RABGAP1L: variants seen among roughly 807,000 people sequenced by gnomAD.
RABGAP1L encodes RAB GTPase activating protein 1 like, also known as rab GTPase-activating protein 1-like.
A neutral mutation model predicts 137.7 loss-of-function variants in RABGAP1L; 63 were observed. The ratio of observed to expected loss-of-function variants is 0.46; its 90% confidence interval spans 0.37 to 0.56. The LOEUF is 0.56. RABGAP1L is among the 20% of genes least tolerant of loss of function. The probability of loss-of-function intolerance (pLI) is 0.00; values close to 1 mark genes in which losing one functional copy is unlikely to be tolerated. For synonymous variants in RABGAP1L, 431 were observed against 433.7 expected, an observed-to-expected ratio of 0.99 and a Z score of 0.08; for missense variants, 1,095 against 1,244.0, an observed-to-expected ratio of 0.88 and a Z score of 1.80.
In RABGAP1L at chr1:174,274,782, C is replaced by T. The variant is rs1674841230; in HGVS notation, c.1054-1051C>T. On this transcript the variant is annotated intron_variant, in intron 8 of 25. Coordinates refer to ENST00000681986, the MANE Select transcript of RABGAP1L (RefSeq NM_001366446.1). ...ACACAATCTGATTAGTGAAGTATTA[C>T]TAATACACTAGAAAAATATACATAG... Among the ~76,000 whole-genome samples, 4 of 152,038 alleles carry T rather than the reference C, an allele frequency of 2.6e-5. No individual in the cohort carries two copies. In the South Asian group the frequency reaches 8.3e-4, roughly 32 times the overall value.
rs569243495 is a variant in RABGAP1L at position 174,586,521 on chromosome 1, C to T, written c.1711-50854C>T. Among the ~76,000 whole-genome samples, 11 of 151,954 alleles carry T rather than the reference C, an allele frequency of 7.2e-5. No homozygotes were observed. The East Asian group carries it at 2.1e-3, about 29-fold the overall frequency. ...TACCTATGTAACAAACCTGCACATCCTGCACATGTACCCCAGAACTTAAGA... is the reference window on the plus strand; with the variant it reads ...TACCTATGTAACAAACCTGCACATCTTGCACATGTACCCCAGAACTTAAGA... On this transcript the variant is annotated intron_variant, in intron 13 of 25. Transcript: ENST00000681986.
chr1:174,640,332 G>A (rs538726016), intron 14 of RABGAP1L, among the ~76,000 whole-genome samples: 35 of 152,124 alleles, frequency 2.3e-4, no homozygotes, highest in South Asian at 4.2e-4. Context: ...ATACTTATGA[G>A]TAATTTAGAA....
At chr1:174,203,935 T>C (rs1668312916) in intron 1 of RABGAP1L, among the ~76,000 whole-genome samples, 2 of 138,398 alleles carry the variant, frequency 1.4e-5, no homozygotes, top group Admixed American at 7.5e-5. Flanking sequence ...TTTTTGTACA[T>C]TGATTTTTTT....
At chr1:174,181,443 T>G (rs1666356853) in intron 1 of RABGAP1L, among the ~76,000 whole-genome samples, 1 of 151,380 alleles carries the variant, frequency 6.6e-6, no homozygotes, top group Non-Finnish European at 1.5e-5. Context: ...GTTCACGCCA[T>G]TCTCCTGCCT....
At chr1:174,783,154 G>T (rs2148770671) in intron 18 of RABGAP1L, among the ~76,000 whole-genome samples, 1 of 152,264 alleles carries the variant, frequency 6.6e-6, no homozygotes, top group South Asian at 2.1e-4. Flanking sequence ...CTGCACTCCT[G>T]ATCTAGTGAG....
At chr1:174,862,743 C>T (rs1389226414) in intron 19 of RABGAP1L, among the ~76,000 whole-genome samples, 1 of 151,992 alleles carries the variant, frequency 6.6e-6, no homozygotes, top group Non-Finnish European at 1.5e-5. Context: ...CGTTGCTTAG[C>T]AACTGCCTAA....
intron 19 of RABGAP1L, among the ~76,000 whole-genome samples, chr1:174,829,560 A>G (rs1691895765): frequency 6.7e-6 from 1 of 148,388 alleles, no homozygotes; most frequent in Non-Finnish European, 1.5e-5. Flanking sequence ...TTAGGATACT[A>G]AAAGTTTTTT....
rs1248767547 is a variant in RABGAP1L, at chr1:174,992,656, A to C, written c.*2655A>C. The C allele has an allele frequency of 2.0e-5, 3 of 152,204 alleles. No individual in the cohort carries two copies. The highest frequency in any genetic ancestry group is 4.8e-5 in the African/African-American group (2 of 41,444). The allele number at this position is 152,204 out of a possible 1,614,324, so 9.4% of individuals were successfully genotyped here. The stretch of plus-strand genomic sequence containing the variant: ...GTCAGTAGCAATAGTAAAGACTAGA[A>C]ACAAAGAAAATTCAGAATTTGGTAT... On this transcript the variant is annotated 3_prime_UTR_variant, in exon 26 of 26. Coordinates refer to ENST00000681986, the MANE Select transcript of RABGAP1L (RefSeq NM_001366446.1).
chr1:174,413,581 T>C (rs564613730), intron 13 of RABGAP1L, among the ~76,000 whole-genome samples: 4 of 152,332 alleles, frequency 2.6e-5, no homozygotes, highest in African/African-American at 9.6e-5. Flanking sequence ...CTGGTACTTC[T>C]AATTTTTGTC....
chr1:174,856,911 A>G (rs1167709186), intron 19 of RABGAP1L, among the ~76,000 whole-genome samples: 1 of 151,744 alleles, frequency 6.6e-6, no homozygotes, highest in Non-Finnish European at 1.5e-5. Flanking sequence ...TGGGAGACAG[A>G]GCAAGACTCC....
intron 13 of RABGAP1L, among the ~76,000 whole-genome samples, chr1:174,437,883 CT>C (rs1293023673): frequency 6.6e-6 from 1 of 152,160 alleles, no homozygotes; most frequent in Non-Finnish European, 1.5e-5. Flanking sequence ...GGCAGAAACC[CT>C]ACAAGCCAGA....
At chr1:174,177,492 C>T (rs527635128) in intron 1 of RABGAP1L, among the ~76,000 whole-genome samples, 12 of 152,234 alleles carry the variant, frequency 7.9e-5, no homozygotes, top group African/African-American at 2.9e-4. Context: ...TAATTAGATC[C>T]CATTTGTCAA....
At chr1:174,733,812 A>G (rs1241080806) in intron 17 of RABGAP1L, among the ~76,000 whole-genome samples, 1 of 152,208 alleles carries the variant, frequency 6.6e-6, no homozygotes, top group East Asian at 1.9e-4. Flanking sequence ...TCTAGAGAAA[A>G]GGAGTCACTC....
intron 19 of RABGAP1L, chr1:174,922,308 A>G (rs923474840): frequency 6.0e-5 from 11 of 182,010 alleles, no homozygotes; most frequent in Admixed American, 2.1e-4. Flanking sequence ...AGCCTCTACT[A>G]TGTTTCAAAT....
At chr1:174,161,219 GTAT>G (rs72031504) in intron 1 of RABGAP1L, among the ~76,000 whole-genome samples, 43,824 of 145,112 alleles carry the variant, frequency 0.3, 6,515 homozygotes, top group South Asian at 0.39. Flanking sequence ...GCTCTGATGT[GTAT>G]TATTATTATT....
intron 19 of RABGAP1L, among the ~76,000 whole-genome samples, chr1:174,857,345 C>T (rs2149007244): frequency 6.6e-6 from 1 of 152,294 alleles, no homozygotes; most frequent in South Asian, 2.1e-4. Context: ...TATCTGCTTC[C>T]TTCTGTTGCT....
intron 17 of RABGAP1L, among the ~76,000 whole-genome samples, chr1:174,749,004 C>T (rs1426344867): frequency 2.0e-5 from 3 of 151,830 alleles, no homozygotes; most frequent in African/African-American, 7.3e-5. Flanking sequence ...TGGTGAAACC[C>T]CGCCTCTACT....
chr1:174,652,200 G>A (rs974249528), intron 14 of RABGAP1L, among the ~76,000 whole-genome samples: 8 of 152,306 alleles, frequency 5.3e-5, no homozygotes, highest in African/African-American at 1.7e-4. Context: ...TCTGCCGAGA[G>A]ATCCACTGTT....
At chr1:174,946,970 GTGTGTGTGTGTATATATA>G (rs1666961184) in intron 19 of RABGAP1L, among the ~76,000 whole-genome samples, 6 of 127,894 alleles carry the variant, frequency 4.7e-5, no homozygotes, top group African/African-American at 1.2e-4. Context: ...GTGTGTGTGT[GTGTGTGTGTGTATATATA>G]TGTATATATA....
Sources: gnomAD v4.1 joint callset for allele counts (sites outside exome capture counted in the v4.1 genomes callset) on GRCh38, gnomAD v4.1.1 for gene constraint, MANE v1.5 for transcripts, NCBI Gene and HGNC (gene_info 2026-07-23, HGNC 2026-07-21) for gene names.